The following DCP1B variants were observed in gnomAD, a reference collection of about 807,000 sequenced individuals.
DCP1B encodes mRNA-decapping enzyme 1B.
In DCP1B, 47 loss-of-function variants were observed where a neutral mutation model predicts 60.5. That is an observed-to-expected ratio of 0.78 (90% CI 0.61 to 0.99). The LOEUF is 0.99. DCP1B is among the 50% of genes least tolerant of loss of function. DCP1B has a pLI of 0.00. For synonymous variants in DCP1B, 267 were observed against 280.3 expected (o/e 0.95, Z 0.47); for missense variants, 725 against 756.8 (o/e 0.96, Z 0.49).
intron 6 of DCP1B, among the ~76,000 whole-genome samples, chr12:1,953,943 G>A (rs925662361): frequency 6.6e-6 from 1 of 152,198 alleles, no homozygotes; most frequent in Non-Finnish European, 1.5e-5. Flanking sequence ...TGCACTTTGG[G>A]AGGCCAAGGC....
At chr12:1,949,517 A>G (rs2030578439) in intron 7 of DCP1B, among the ~76,000 whole-genome samples, 183 bp from the exon 8 acceptor site, 1 of 152,214 alleles carries the variant, frequency 6.6e-6, no homozygotes, top group Non-Finnish European at 1.5e-5. Context: ...ATCACTGAGC[A>G]GCTCTGGTAT....
downstream of DCP1B, among the ~76,000 whole-genome samples, chr12:1,942,887 C>T (rs2030314798): frequency 6.6e-6 from 1 of 152,106 alleles, no homozygotes; most frequent in Non-Finnish European, 1.5e-5. Context: ...ATTAAAAGAA[C>T]TAGAGAAGCA....
chr12:1,984,552 C>T (rs759379261), intron 3 of DCP1B, among the ~76,000 whole-genome samples: 4 of 151,868 alleles, frequency 2.6e-5, no homozygotes, highest in African/African-American at 4.8e-5. Context: ...GTATCACATC[C>T]GTATACACTG....
intron 3 of DCP1B, 69 bp downstream of exon 3, chr12:1,993,195 A>G (rs766350401): frequency 1.9e-6 from 3 of 1,606,344 alleles, no homozygotes; most frequent in Non-Finnish European, 2.6e-6. Context: ...AATGGCAAAC[A>G]CTGTACAATT....
At chr12:1,991,828 T>C (rs2039504577) in intron 3 of DCP1B, 1 of 154,272 alleles carries the variant, frequency 6.5e-6, no homozygotes, top group African/African-American at 2.4e-5. Context: ...ATGTGATCTA[T>C]AATAAGAATT....
intron 2 of DCP1B, among the ~76,000 whole-genome samples, chr12:1,993,627 G>GGTGTGTGTGTGTGTGTGT (rs150056084): frequency 8.3e-4 from 122 of 146,672 alleles, no homozygotes; most frequent in African/African-American, 1.9e-3. Context: ...CTTCATTTGT[G>GGTGTGTGTGTGTGTGTGT]GTGTGTGTGT....
chr12:1,971,195 C>G lies in DCP1B; in HGVS notation c.320-3285G>C. On this transcript the variant is annotated intron_variant, in intron 3 of 8. Transcript: ENST00000280665. This position sits in a 1 kb window ranked among gnomAD's most constrained non-coding sequence, Gnocchi z 4.2. ...TCAACTCAACTATTTCTACATCTCT[C>G]CTGGAGGTAAGAAACCCTAAAGTGA... 1.0e-5 allele frequency: 13 copies of G among 1,287,914 alleles called. No individual in the cohort carries two copies. The highest frequency in any genetic ancestry group is 1.3e-5 in the Non-Finnish European group (13 of 987,360). 79.8% of individuals were successfully genotyped at this position (1,287,914 alleles called of 1,614,324 possible).
At chr12:1,994,547 A>C (rs1189750519) in intron 2 of DCP1B, among the ~76,000 whole-genome samples, 1 of 152,218 alleles carries the variant, frequency 6.6e-6, no homozygotes, top group African/African-American at 2.4e-5. Context: ...CTTCAACTTA[A>C]ATTCAGAGGA....
Position 1,987,273 on chromosome 12 carries a change from C to T in DCP1B, c.319+5991G>A, listed in dbSNP as rs78271054. The stretch of plus-strand genomic sequence containing the variant: ...TCCTACATATGCTAGTGCTGTATTT[C>T]ATATGTACATCATTATAATACTAGT... On this transcript the variant is annotated intron_variant, in intron 3 of 8. Coordinates refer to ENST00000280665, the MANE Select transcript of DCP1B (RefSeq NM_152640.5). 1.9e-3 allele frequency among the ~76,000 whole-genome samples: 288 copies of T among 152,310 alleles called. 9 individuals are homozygous for T. In the East Asian group the frequency reaches 0.051, roughly 27 times the overall value.
intron 5 of DCP1B, among the ~76,000 whole-genome samples, chr12:1,957,984 C>A (rs761366004): frequency 2.0e-5 from 3 of 151,902 alleles, no homozygotes; most frequent in Non-Finnish European, 4.4e-5. Flanking sequence ...TGGAAGGAAA[C>A]AGGGGAAAAG....
chr12:1,983,808 A>G (rs1228820184), intron 3 of DCP1B, among the ~76,000 whole-genome samples: 2 of 151,934 alleles, frequency 1.3e-5, no homozygotes, highest in Non-Finnish European at 2.9e-5. Flanking sequence ...GATTGTAGAA[A>G]GTGGAGCACT....
Position 1,965,636 on chromosome 12 carries a change from T to C in DCP1B, c.444A>G (p.Pro148=), listed in dbSNP as rs745499958. 55 of 1,613,912 alleles carry C rather than the reference T, an allele frequency of 3.4e-5. No homozygotes were observed. Among genetic ancestry groups the C allele is most frequent in the Non-Finnish European group, 4.3e-5 (51 of 1,179,924 alleles). Reference sequence around the variant, plus strand: ...TGCCCTCTCCTGAATTGAGGATCACTGGGGAAATTCCTGCTCCAGTTCCCT... The same window carrying C: ...TGCCCTCTCCTGAATTGAGGATCACCGGGGAAATTCCTGCTCCAGTTCCCT... ...AHQGTGAGIS[P]VILNSGEGKE... The change falls in exon 5 of 9, where the codon CCA becomes CCG. Residue 148 remains proline (P), a synonymous_variant. Transcript: ENST00000280665.
intron 5 of DCP1B, among the ~76,000 whole-genome samples, chr12:1,960,420 C>T (rs1013008033): frequency 6.6e-6 from 1 of 152,142 alleles, no homozygotes; most frequent in Non-Finnish European, 1.5e-5. Flanking sequence ...TCAAAGGATA[C>T]AAACTTTCAA....
At chr12:1,958,688 G>C (rs1251022285) in intron 5 of DCP1B, among the ~76,000 whole-genome samples, 3 of 141,596 alleles carry the variant, frequency 2.1e-5, no homozygotes, top group Non-Finnish European at 4.6e-5. Context: ...TAAACCTCCC[G>C]GAAGGAGACA....
chr12:2,002,813 A>G (rs997105550), intron 1 of DCP1B, among the ~76,000 whole-genome samples: 2 of 152,218 alleles, frequency 1.3e-5, no homozygotes, highest in Admixed American at 1.3e-4. Flanking sequence ...TATGTAGAAT[A>G]TCTTTTTATA....
chr12:1,994,853 C>G (rs1414806120), intron 2 of DCP1B, among the ~76,000 whole-genome samples: 1 of 152,174 alleles, frequency 6.6e-6, no homozygotes, highest in African/African-American at 2.4e-5. Context: ...AAAGCAACTT[C>G]TGTAAGAGAA....
intron 3 of DCP1B, chr12:1,992,156 A>G: frequency 4.8e-6 from 1 of 207,360 alleles, no homozygotes; most frequent in South Asian, 6.1e-5. Flanking sequence ...GAGAAAACAC[A>G]ATATTTTTCT....
chr12:1,946,265 T>C lies in DCP1B; in HGVS notation c.1795A>G (p.Ile599Val). 2 of 1,606,712 alleles carry C rather than the reference T, an allele frequency of 1.2e-6. No individual in the cohort carries two copies. The highest frequency in any genetic ancestry group is 2.2e-5 in the East Asian group (1 of 44,694). Residue 599 changes from isoleucine to valine, a missense_variant, in exon 9 of 9, where the codon ATA (isoleucine) becomes GTA (valine). By Grantham distance (29) the Ile-to-Val change is conservative. Transcript: ENST00000280665. ...CTGAAGAGATAGGCTTCATAGATTA[T>C]ATTTAAGAAGTTGTCATCATTCTGG... ...LIQNDDNFLN[I>V]IYEAYLFSMT...
At chr12:1,976,643 TC>T (rs141156192) in intron 3 of DCP1B, among the ~76,000 whole-genome samples, 2,535 of 152,262 alleles carry the variant, frequency 0.017, 75 homozygotes, top group African/African-American at 0.057. Flanking sequence ...AGTAAGAATG[TC>T]AAGTATTTTT....
Sources: gnomAD v4.1 joint callset for allele counts (sites outside exome capture counted in the v4.1 genomes callset) on GRCh38, gnomAD v4.1.1 for gene constraint, Gnocchi (gnomAD v3.1) non-coding constraint, MANE v1.5 for transcripts, NCBI Gene and HGNC (gene_info 2026-07-23, HGNC 2026-07-21) for gene names.